CSMD2: variants seen among roughly 807,000 people sequenced by gnomAD.
The protein encoded by CSMD2 is CUB and sushi domain-containing protein 2.
CSMD2 carries 130 observed loss-of-function variants against 398.5 expected under a neutral mutation model. The ratio of observed to expected loss-of-function variants is 0.33; its 90% CI spans 0.28 to 0.38. The LOEUF (loss-of-function observed/expected upper bound fraction) is 0.38, where lower values mean the gene tolerates loss of function less well. CSMD2 is among the 10% of genes least tolerant of loss of function. The pLI, the probability that CSMD2 is intolerant of heterozygous loss-of-function variation, is 1.00. For synonymous variants in CSMD2, 1,828 were observed against 1,908.5 expected, an observed-to-expected ratio of 0.96 and a Z score of 1.10; for missense variants, 3,829 against 4,764.9, an observed-to-expected ratio of 0.80 and a Z score of 5.78.
chr1:34,085,908 T>A (rs1256008223), intron 2 of CSMD2, among the ~76,000 whole-genome samples: 1 of 151,832 alleles, frequency 6.6e-6, no homozygotes, highest in Non-Finnish European at 1.5e-5. Flanking sequence ...TCCCACAGAC[T>A]GTGTGAGAAT....
Position 33,743,365 on chromosome 1 carries a change from G to A in CSMD2, c.2088C>T (p.Ser696=), listed in dbSNP as rs750857454. 2 of 1,614,188 alleles carry A rather than the reference G, an allele frequency of 1.2e-6. No individual in the cohort carries two copies. The highest frequency in any genetic ancestry group is 2.2e-5 in the East Asian group (1 of 44,856). Residue 696 remains serine, a synonymous_variant, in exon 14 of 71, where the codon TCC becomes TCT. Coordinates refer to ENST00000373381, the MANE Select transcript of CSMD2 (RefSeq NM_001281956.2). The part of the protein sequence containing the change: ...GTFSGNQLPS[S]ITSSGHVARL... ...GGGCCACGTGGCCACTGCTTGTGAT[G>A]GAGGAGGGAAGCTGGTTTCCTGAGA...
chr1:33,652,702 A>G (rs1643826706), intron 27 of CSMD2, among the ~76,000 whole-genome samples: 1 of 152,234 alleles, frequency 6.6e-6, no homozygotes, highest in South Asian at 2.1e-4. Flanking sequence ...TGAACTGTTC[A>G]TTGAAAAACA....
At chr1:34,152,038 G>A (rs987472784) in intron 1 of CSMD2, among the ~76,000 whole-genome samples, 11 of 152,006 alleles carry the variant, frequency 7.2e-5, no homozygotes, top group Admixed American at 1.3e-4. Flanking sequence ...TTATACAGAA[G>A]AGGCCTCACT....
intron 7 of CSMD2, among the ~76,000 whole-genome samples, chr1:33,824,115 T>C (rs979774874): frequency 6.6e-6 from 1 of 152,208 alleles, no homozygotes; most frequent in Non-Finnish European, 1.5e-5. Context: ...ACATGCTCCC[T>C]GAGGACACAG....
chr1:33,595,072 C>T (rs1035698767), intron 44 of CSMD2, among the ~76,000 whole-genome samples: 2 of 152,176 alleles, frequency 1.3e-5, no homozygotes, highest in African/African-American at 4.8e-5. Context: ...TTACTGCCAT[C>T]GAATCTTCAC....
At chr1:33,866,231 T>A (rs1640023338) in intron 5 of CSMD2, among the ~76,000 whole-genome samples, 1 of 152,260 alleles carries the variant, frequency 6.6e-6, no homozygotes, top group Admixed American at 6.5e-5. Flanking sequence ...GATTTTCATG[T>A]GCCAGGCCAT....
intron 5 of CSMD2, among the ~76,000 whole-genome samples, chr1:33,855,813 A>T (rs900665367): frequency 6.6e-6 from 1 of 152,000 alleles, no homozygotes; most frequent in African/African-American, 2.4e-5. Flanking sequence ...GCATATTCAC[A>T]CTCAACTCTA....
chr1:33,769,234 G>A (rs571949640), intron 13 of CSMD2, among the ~76,000 whole-genome samples: 61 of 152,324 alleles, frequency 4.0e-4, no homozygotes, highest in Admixed American at 9.1e-4. Context: ...AAAGCTTCTG[G>A]AAGGTAAAGA....
At position 33,978,767 on chromosome 1, in the gene CSMD2, C is replaced by T. The variant is rs567479820; in HGVS notation, c.518-42813G>A. On this transcript the variant is annotated intron_variant, in intron 3 of 70. Transcript: ENST00000373381. ...CAGACCCTTCTGTCTCTCCTGACCC[C>T]GCTGCATCTTCATCCTCCTCATTGT... Among the ~76,000 whole-genome samples, 7 of 152,248 alleles carry T rather than the reference C, an allele frequency of 4.6e-5. No homozygotes were observed. In the South Asian group the frequency reaches 6.2e-4, roughly 14 times the overall value.
chr1:33,636,230 C>A lies in CSMD2; in HGVS notation c.4969+130G>T. On this transcript the variant is annotated intron_variant, in intron 30 of 70. Coordinates refer to ENST00000373381, the MANE Select transcript of CSMD2 (RefSeq NM_001281956.2). This position sits in a 1 kb window ranked among gnomAD's most constrained non-coding sequence, Gnocchi z 4.8. Reference sequence around the variant, plus strand: ...ACTTCTATACACATCCACGGCAAACCCAGGTTTGCCAGGCTTGGAGGAGCC... The same window carrying A: ...ACTTCTATACACATCCACGGCAAACACAGGTTTGCCAGGCTTGGAGGAGCC... 3.6e-6 allele frequency: 3 copies of A among 836,036 alleles called. No individual in the cohort carries two copies. The highest frequency in any genetic ancestry group is 5.5e-6 in the Non-Finnish European group (3 of 542,182). The allele number at this position is 836,036 out of a possible 1,614,324, so 51.8% of individuals were successfully genotyped here.
chr1:33,618,639 C>T (rs1641554732), intron 37 of CSMD2, among the ~76,000 whole-genome samples: 1 of 152,028 alleles, frequency 6.6e-6, no homozygotes, highest in South Asian at 2.1e-4. Context: ...TAATCTTCCT[C>T]CTCCTCCTTT....
chr1:33,548,078 G>A (rs1180560738), intron 56 of CSMD2, among the ~76,000 whole-genome samples: 2 of 152,210 alleles, frequency 1.3e-5, no homozygotes, highest in Non-Finnish European at 2.9e-5. Context: ...GTGTGAAGAT[G>A]TGCCTGCTTC....
chr1:33,716,242 T>C (rs775882182), intron 20 of CSMD2, 44 bp downstream of exon 20: 1 of 1,497,136 alleles, frequency 6.7e-7, no homozygotes. Context: ...AGAGAGCAAA[T>C]AGCACCATGG....
intron 2 of CSMD2, among the ~76,000 whole-genome samples, chr1:34,048,785 C>G (rs1397563024): frequency 1.3e-5 from 2 of 152,176 alleles, no homozygotes; most frequent in Non-Finnish European, 2.9e-5. Flanking sequence ...TAATACTAAA[C>G]ATATTATTAT....
intron 50 of CSMD2, 127 bp downstream of exon 50, chr1:33,572,379 C>T: frequency 2.3e-6 from 2 of 862,150 alleles, no homozygotes; most frequent in Non-Finnish European, 3.4e-6. Context: ...ATCCTCCAAC[C>T]TCCATGTCCA....
chr1:33,967,687 C>A (rs1570661012), intron 3 of CSMD2, among the ~76,000 whole-genome samples: 1 of 152,130 alleles, frequency 6.6e-6, no homozygotes, highest in South Asian at 2.1e-4. Context: ...GGGGCCTTCC[C>A]GATGAGAGTA....
At chr1:33,772,879 G>T (rs997401029) in intron 12 of CSMD2, 128 bp from the exon 13 acceptor site, 31 of 722,896 alleles carry the variant, frequency 4.3e-5, no homozygotes, top group Middle Eastern at 6.3e-4. Context: ...ACACAGGTAG[G>T]ATTCAACGTT....
chr1:33,658,054 T>A lies in CSMD2; in HGVS notation c.4339A>T (p.Thr1447Ser). The A allele has an allele frequency of 6.2e-7, 1 of 1,614,222 alleles. No homozygotes were observed. Residue 1447 changes from threonine to serine, a missense_variant, in exon 27 of 71, where the codon ACA becomes TCA. By Grantham distance (58) the Thr-to-Ser change is moderately conservative. Transcript: ENST00000373381. ...TAGCCAGGGTCACACTGGAACACTG[T>A]GGAGTCGCCGGCTTCCCAACTGTCA... ...SGDSWEAGDS[T>S]VFQCDPGYAL... is the part of the protein sequence containing the mutation.
chr1:33,939,715 G>C (rs1644602814), intron 3 of CSMD2, among the ~76,000 whole-genome samples: 1 of 152,140 alleles, frequency 6.6e-6, no homozygotes, highest in South Asian at 2.1e-4. Flanking sequence ...ACTCTGACCT[G>C]ATGCTTCCAT....
Sources: gnomAD v4.1 joint callset for allele counts (sites outside exome capture counted in the v4.1 genomes callset) on GRCh38, gnomAD v4.1.1 for gene constraint, Gnocchi (gnomAD v3.1) non-coding constraint, MANE v1.5 for transcripts, NCBI Gene and HGNC (gene_info 2026-07-23, HGNC 2026-07-21) for gene names.